Variants in ANO7 observed in about 807,000 individuals in gnomAD.
The protein encoded by ANO7 is anoctamin 7, also known as anoctamin-7.
Under a neutral mutation model 115.8 loss-of-function variants are expected in ANO7, and 114 were observed. That is an observed-to-expected ratio of 0.98 (90% CI 0.85 to 1.15). The LOEUF (loss-of-function observed/expected upper bound fraction) is 1.15, where lower values mean the gene tolerates loss of function less well. Ranked by LOEUF, ANO7 falls within the 50% of genes most tolerant of loss-of-function variation. ANO7 has a pLI of 0.00. For missense variants in ANO7, 1,302 were observed against 1,201.2 expected, an observed-to-expected ratio of 1.08 and a Z score of -1.24; for synonymous variants, 550 against 498.2, an observed-to-expected ratio of 1.10 and a Z score of -1.38.
intron 4 of ANO7, chr2:241,196,313 C>A (rs947819294): frequency 9.6e-6 from 4 of 415,974 alleles, no homozygotes; most frequent in Admixed American, 5.5e-5. Context: ...AGGAACTAGG[C>A]GTGAGGATGC....
Position 241,208,883 on chromosome 2 carries a change from CT to C in ANO7, c.1078-401del, listed in dbSNP as rs756321739. 2.2e-3 allele frequency among the ~76,000 whole-genome samples: 331 copies of C among 152,330 alleles called. 3 individuals are homozygous for C. Among genetic ancestry groups the C allele is most frequent in the Middle Eastern group, 0.017 (5 of 294 alleles). On this transcript the variant is annotated intron_variant, in intron 11 of 24. Transcript: ENST00000674324. ...ACAGTCAGGGGGCTGGGCACGGTGG[CT>C]CACGCCTGTAATCCCAGCACTTTGG...
rs1467457593 is a variant in ANO7 at position 241,218,158 on chromosome 2, CAGCGGGGGCGCGCAGGGGCGG to C, written c.2179-50_2179-30del. The C allele has an allele frequency of 7.3e-3, 2,920 of 401,288 alleles. 185 individuals carry two copies. In the African/African-American group the frequency reaches 0.14, roughly 19 times the overall value. 24.9% of individuals were successfully genotyped at this position (401,288 alleles called of 1,614,324 possible). A position where few individuals can be genotyped will look rare whatever the true frequency, so the allele number is the denominator to read the frequency against. On this transcript the variant is annotated intron_variant, in intron 20 of 24. Coordinates refer to ENST00000674324, the MANE Select transcript of ANO7 (RefSeq NM_001370694.2). The stretch of plus-strand genomic sequence containing the variant: ...GGCGCGCAGGGGCGGGGCGGGGGGG[CAGCGGGGGCGCGCAGGGGCGG>C]AGCGGGGGCGCGCAGGGGCGGAGCG...
At chr2:241,229,702 G>A (rs1310001337), downstream of ANO7, 1 of 1,613,784 alleles carries the variant, frequency 6.2e-7, no homozygotes, top group South Asian at 1.1e-5. Context: ...GCAGAGAGAG[G>A]ACACGGCTTC....
chr2:241,215,962 C>T, intron 18 of ANO7, 131 bp from the exon 19 acceptor site: 1 of 1,173,516 alleles, frequency 8.5e-7, no homozygotes, highest in Non-Finnish European at 1.2e-6. Flanking sequence ...CAGCCCCAGA[C>T]CCCATCCCTC....
rs149107822 is a variant in ANO7, at chr2:241,195,767, G to C, written c.231G>C (p.Arg77=). The C allele has an allele frequency of 9.9e-6, 16 of 1,614,164 alleles. No homozygotes were observed. The African/African-American group carries it at 2.0e-4, about 20-fold the overall frequency. Residue 77 remains arginine (R), a synonymous_variant, in exon 4 of 25, where the codon CGG becomes CGC. Coordinates refer to ENST00000674324, the MANE Select transcript of ANO7 (RefSeq NM_001370694.2). The part of the protein sequence containing the change: ...KLDRQQDSAA[R]DRTDMHRTWR... ...ACAGGCAGCAGGACAGTGCCGCCCG[G>C]GACAGAACAGACATGCACAGGACCT...
intron 6 of ANO7, 148 bp from the exon 7 acceptor site, chr2:241,201,150 C>T (rs959886785): frequency 1.3e-5 from 11 of 838,674 alleles, no homozygotes; most frequent in South Asian, 7.8e-5. Flanking sequence ...GGGCTGTGTC[C>T]GCAGGCCTGT....
intron 4 of ANO7, 134 bp from the exon 5 acceptor site, chr2:241,199,182 T>C (rs953329348): frequency 5.1e-6 from 4 of 780,458 alleles, no homozygotes; most frequent in East Asian, 2.7e-5. Flanking sequence ...ATGTATCAAA[T>C]AGGAGATTCA....
At chr2:241,220,423 A>T (rs1334773959) in intron 21 of ANO7, among the ~76,000 whole-genome samples, 1 of 150,460 alleles carries the variant, frequency 6.6e-6, no homozygotes. Context: ...CTGGCTGGGC[A>T]TGGTACCTCA....
At chr2:241,226,956 A>T (rs766791595), downstream of ANO7, among the ~76,000 whole-genome samples, 16 of 152,146 alleles carry the variant, frequency 1.1e-4, no homozygotes, top group African/African-American at 3.4e-4. Context: ...GGCCGGGTCC[A>T]GGGTGCCAGG....
At chr2:241,213,382 G>A (rs893561370) in intron 17 of ANO7, among the ~76,000 whole-genome samples, 6 of 152,256 alleles carry the variant, frequency 3.9e-5, no homozygotes, top group Non-Finnish European at 7.3e-5. Context: ...TAGCTACTCC[G>A]TATCTCTGAG....
At chr2:241,214,755 G>C (rs1417543320) in intron 17 of ANO7, 50 bp from the exon 18 acceptor site, 1 of 1,544,254 alleles carries the variant, frequency 6.5e-7, no homozygotes, top group African/African-American at 1.4e-5. Flanking sequence ...GGATGCGTGG[G>C]TGAGTGGCTG....
intron 11 of ANO7, among the ~76,000 whole-genome samples, chr2:241,208,960 T>G (rs184595369): frequency 5.3e-5 from 8 of 152,150 alleles, no homozygotes; most frequent in African/African-American, 7.2e-5. Context: ...CCATCCTGGC[T>G]AACACGGTGA....
At chr2:241,236,474 C>A in the ANO7 span, 3 of 813,604 alleles carry the variant, frequency 3.7e-6, no homozygotes, top group South Asian at 4.9e-5. Flanking sequence ...ACAGCCCGTG[C>A]GCACACGGTA....
At chr2:241,235,891 T>C in the ANO7 span, among the ~76,000 whole-genome samples, 4 of 152,120 alleles carry the variant, frequency 2.6e-5, no homozygotes, top group Non-Finnish European at 5.9e-5. Flanking sequence ...TGGCACATCC[T>C]CGGGGTCATG....
intron 15 of ANO7, 113 bp downstream of exon 15, chr2:241,210,683 CTTCTTTT>C (rs2068702507): frequency 1.1e-6 from 1 of 887,960 alleles, no homozygotes; most frequent in South Asian, 1.5e-5. Flanking sequence ...CTATTTCTTT[CTTCTTTT>C]TTCTTTTGAG....
At chr2:241,223,465 T>C in intron 22 of ANO7, 189 bp downstream of exon 22, 1 of 1,029,152 alleles carries the variant, frequency 9.7e-7, no homozygotes, top group Non-Finnish European at 1.5e-6. Context: ...GGTGTGGACA[T>C]TGTGGGTGTC....
rs1257286718 is a variant in ANO7, at chr2:241,210,301, G to C, written c.1366G>C (p.Val456Leu). Residue 456 changes from valine (V) to leucine (L), a missense_variant, in exon 14 of 25, where the codon GTG (valine) becomes CTG (leucine). Physicochemically the swap from Val to Leu is conservative, Grantham distance 32. Coordinates refer to ENST00000674324, the MANE Select transcript of ANO7 (RefSeq NM_001370694.2). ...GSVVIVVMVA[V>L]VVMCLVSIIL... The stretch of plus-strand genomic sequence containing the variant: ...GGCCTCCCTGCCCCCGCAGGTGGCC[G>C]TGGTGGTCATGTGCCTCGTGTCTAT... 2 of 1,613,876 alleles carry C rather than the reference G, an allele frequency of 1.2e-6. No individual in the cohort carries two copies. Among genetic ancestry groups the C allele is most frequent in the Non-Finnish European group, 1.7e-6 (2 of 1,179,940 alleles).
intron 3 of ANO7, 24 bp from the exon 4 acceptor site, chr2:241,195,679 G>A (rs1406645412): frequency 6.2e-7 from 1 of 1,611,044 alleles, no homozygotes; most frequent in South Asian, 1.1e-5. Context: ...CCAGGCTCCT[G>A]CCTCTGTCCC....
At chr2:241,231,167 C>T in the ANO7 span, 1 of 481,130 alleles carries the variant, frequency 2.1e-6, no homozygotes, top group South Asian at 2.5e-5. Flanking sequence ...GGCGGATCAC[C>T]TGAGGTCCGG....
Sources: gnomAD v4.1 joint callset for allele counts (sites outside exome capture counted in the v4.1 genomes callset) on GRCh38, gnomAD v4.1.1 for gene constraint, MANE v1.5 for transcripts, NCBI Gene and HGNC (gene_info 2026-07-23, HGNC 2026-07-21) for gene names.